Variants in TENM4 observed in about 807,000 individuals in gnomAD.
TENM4 encodes teneurin-4.
In TENM4, 82 loss-of-function variants were observed where a neutral mutation model predicts 243.3. The ratio of observed to expected loss-of-function variants is 0.34; its 90% CI spans 0.28 to 0.40. TENM4 has a LOEUF of 0.40. Ranked by LOEUF, TENM4 falls within the 10% of genes least tolerant of loss-of-function variation. The probability of loss-of-function intolerance (pLI) is 1.00; values close to 1 mark genes in which losing one functional copy is unlikely to be tolerated. For missense variants in TENM4, 3,138 were observed against 3,673.3 expected (o/e 0.85, Z 3.77); for synonymous variants, 1,412 against 1,456.3 (o/e 0.97, Z 0.69).
chr11:79,144,076 T>C (rs1305575219), intron 4 of TENM4, among the ~76,000 whole-genome samples: 2 of 151,884 alleles, frequency 1.3e-5, no homozygotes, highest in East Asian at 3.9e-4. Context: ...ATAATCAGAA[T>C]ATATAAGGAC....
chr11:79,243,436 GCAATGCTGAATTTAAACAAA>G (rs1236175847), intron 2 of TENM4, among the ~76,000 whole-genome samples: 8 of 152,148 alleles, frequency 5.3e-5, no homozygotes, highest in African/African-American at 1.7e-4. Flanking sequence ...CAATCAGAGG[GCAATGCTGAATTTAAACAAA>G]CAAACAAAAA....
chr11:79,145,913 CT>C, intron 4 of TENM4, among the ~76,000 whole-genome samples: 1 of 152,140 alleles, frequency 6.6e-6, no homozygotes. Context: ...ATTTGGACAT[CT>C]TCTTTTATGA....
chr11:78,695,067 G>A (rs1858922315), intron 28 of TENM4, among the ~76,000 whole-genome samples: 1 of 152,036 alleles, frequency 6.6e-6, no homozygotes, highest in Admixed American at 6.6e-5. Context: ...TTTGCTTAGG[G>A]ACAGGATCTC....
chr11:79,135,495 A>G (rs981752147), intron 4 of TENM4, among the ~76,000 whole-genome samples: 5 of 152,076 alleles, frequency 3.3e-5, no homozygotes, highest in African/African-American at 1.2e-4. Flanking sequence ...GAATCCCACT[A>G]GTGGGTATCT....
intron 4 of TENM4, among the ~76,000 whole-genome samples, chr11:79,126,304 G>T (rs571804696): frequency 1.1e-3 from 167 of 152,316 alleles, no homozygotes; most frequent in African/African-American, 3.9e-3. Context: ...ACCAATGCTT[G>T]TGAAATAGAT....
At chr11:79,036,783 A>T (rs1328046902) in intron 6 of TENM4, among the ~76,000 whole-genome samples, 1 of 152,124 alleles carries the variant, frequency 6.6e-6, no homozygotes, top group Non-Finnish European at 1.5e-5. Context: ...AGGCCAAGGC[A>T]GGAGGATCAC....
chr11:79,254,375 C>A (rs943147181), intron 2 of TENM4, among the ~76,000 whole-genome samples: 1 of 152,172 alleles, frequency 6.6e-6, no homozygotes, highest in Non-Finnish European at 1.5e-5. Flanking sequence ...CTCCTAGGTA[C>A]GTTGTCAAAG....
intron 14 of TENM4, 134 bp downstream of exon 14, chr11:78,811,987 TG>T: frequency 2.8e-6 from 3 of 1,056,276 alleles, no homozygotes; most frequent in Non-Finnish European, 4.0e-6. Context: ...TGCTGGTGGG[TG>T]GGCTCCTGGC....
chr11:79,375,265 T>C (rs1857869130), intron 1 of TENM4, among the ~76,000 whole-genome samples: 1 of 152,202 alleles, frequency 6.6e-6, no homozygotes, highest in Admixed American at 6.5e-5. Context: ...ATTGATACTT[T>C]ATTTTTATTA....
At chr11:78,739,386 G>A (rs1855871354) in intron 19 of TENM4, among the ~76,000 whole-genome samples, 1 of 152,028 alleles carries the variant, frequency 6.6e-6, no homozygotes, top group Non-Finnish European at 1.5e-5. Context: ...AGCCTTTCTT[G>A]ATGTCCCTAA....
At chr11:79,305,791 G>A (rs950857438) in intron 1 of TENM4, among the ~76,000 whole-genome samples, 18 of 152,182 alleles carry the variant, frequency 1.2e-4, no homozygotes, top group Non-Finnish European at 2.4e-4. Flanking sequence ...AGGGAAGCTG[G>A]GACAGAGCTG....
chr11:78,921,365 C>T (rs1336217078), intron 6 of TENM4, among the ~76,000 whole-genome samples: 1 of 152,252 alleles, frequency 6.6e-6, no homozygotes, highest in Non-Finnish European at 1.5e-5. Context: ...GACAAATGCA[C>T]TGTGCCCAAG....
intron 12 of TENM4, among the ~76,000 whole-genome samples, chr11:78,818,254 A>G (rs1170577511): frequency 6.6e-6 from 1 of 152,210 alleles, no homozygotes; most frequent in Non-Finnish European, 1.5e-5. Flanking sequence ...TTTTAACAGG[A>G]TCAACTGCAG....
chr11:78,746,373 G>C (rs1401292306), intron 19 of TENM4, among the ~76,000 whole-genome samples: 1 of 152,270 alleles, frequency 6.6e-6, no homozygotes, highest in African/African-American at 2.4e-5. Context: ...AGAAACCACT[G>C]TTCTGTGGCC....
intron 1 of TENM4, among the ~76,000 whole-genome samples, chr11:79,340,575 G>A (rs74622771): frequency 0.019 from 2,854 of 152,154 alleles, 43 homozygotes; most frequent in Non-Finnish European, 0.025. Context: ...TGCTTCTAGA[G>A]TCACAGCATA....
chr11:79,333,661 A>G (rs1440844417), intron 1 of TENM4, among the ~76,000 whole-genome samples: 7 of 152,298 alleles, frequency 4.6e-5, no homozygotes, highest in Non-Finnish European at 5.9e-5. Context: ...CTACTAAACC[A>G]TGTCTGGTCT....
intron 3 of TENM4, among the ~76,000 whole-genome samples, chr11:79,173,806 T>C (rs1863101742): frequency 6.6e-6 from 1 of 152,288 alleles, no homozygotes; most frequent in Middle Eastern, 3.4e-3. Context: ...GCAAGGATCA[T>C]GTGGGACTCA....
intron 9 of TENM4, among the ~76,000 whole-genome samples, chr11:78,886,353 A>C (rs1360942595): frequency 6.6e-6 from 1 of 152,230 alleles, no homozygotes; most frequent in Non-Finnish European, 1.5e-5. Context: ...AATAATTGAT[A>C]GTTCCTTCCA....
intron 2 of TENM4, among the ~76,000 whole-genome samples, chr11:79,230,206 A>C (rs968737062): frequency 6.6e-6 from 1 of 152,190 alleles, no homozygotes; most frequent in East Asian, 1.9e-4. Context: ...ATTTCAGGAC[A>C]CGCTGGTCAT....
Sources: allele counts gnomAD v4.1 joint callset (sites outside exome capture counted in the v4.1 genomes callset), GRCh38; gene constraint gnomAD v4.1.1; transcripts MANE v1.5; gene names NCBI Gene and HGNC (gene_info 2026-07-23, HGNC 2026-07-21).